ABL2: variants seen among roughly 807,000 people sequenced by gnomAD.
ABL2 encodes the protein tyrosine-protein kinase ABL2.
Under a neutral mutation model 107.7 loss-of-function variants are expected in ABL2, and 49 were observed. The ratio of observed to expected loss-of-function variants is 0.45; its 90% CI spans 0.36 to 0.58. The LOEUF is 0.58. Among genes scored for constraint, ABL2 ranks in the 20% least tolerant of loss-of-function variants. ABL2 has a pLI of 0.00. For synonymous variants in ABL2, 549 were observed against 548.6 expected (o/e 1.00, Z -0.01); for missense variants, 1,245 against 1,457.0 (o/e 0.85, Z 2.37).
At chr1:179,154,701 A>G (rs1459913759) in intron 1 of ABL2, among the ~76,000 whole-genome samples, 3 of 152,232 alleles carry the variant, frequency 2.0e-5, no homozygotes, top group Non-Finnish European at 4.4e-5. Flanking sequence ...GGTAGAACAC[A>G]GGGATTCTTG....
At chr1:179,206,264 A>T (rs180722007) in intron 1 of ABL2, among the ~76,000 whole-genome samples, 1 of 152,218 alleles carries the variant, frequency 6.6e-6, no homozygotes, top group South Asian at 2.1e-4. Context: ...AAATGCACAC[A>T]GGATTTAGCA....
intron 1 of ABL2, among the ~76,000 whole-genome samples, chr1:179,193,244 C>T (rs991708775): frequency 2.0e-5 from 3 of 152,052 alleles, no homozygotes; most frequent in African/African-American, 7.2e-5. Flanking sequence ...GGCAACACTA[C>T]CAGAAAAAGT....
intron 10 of ABL2, 141 bp from the exon 11 acceptor site, chr1:179,110,596 T>G: frequency 6.7e-7 from 1 of 1,499,554 alleles, no homozygotes; most frequent in Non-Finnish European, 8.9e-7. Context: ...AAGTATGTAC[T>G]CTTTTGTCTG....
chr1:179,214,552 G>A (rs956271784), intron 1 of ABL2, among the ~76,000 whole-genome samples: 24 of 91,682 alleles, frequency 2.6e-4, no homozygotes, highest in South Asian at 1.2e-3. Context: ...ATATATATAT[G>A]AGAATATATG....
chr1:179,201,836 A>C, intron 1 of ABL2: 1 of 1,218,314 alleles, frequency 8.2e-7, no homozygotes, highest in Non-Finnish European at 1.1e-6. Context: ...ACATGGTGAC[A>C]GAAGAAGACA....
rs35954631 is a variant in ABL2 at position 179,223,964 on chromosome 1, C to CAA, written c.157+5275_157+5276dup. The stretch of plus-strand genomic sequence containing the variant: ...GCAACATGGCAAAACTCTGTCTCTA[C>CAA]AAAAAAAAAAAAAAAATAGAAAGGC... On this transcript the variant is annotated intron_variant, in intron 1 of 11. Transcript: ENST00000502732. Among the ~76,000 whole-genome samples the CAA allele has an allele frequency of 1.3e-3, 130 of 100,942 alleles. 1 individual carries two copies. The highest frequency in any genetic ancestry group is 1.2e-3 in the Admixed American group (12 of 9,928). The allele number at this position is 100,942 out of a possible 152,430, so 66.2% of individuals were successfully genotyped here.
rs1288311780 is a variant in ABL2, at chr1:179,126,699, A to C, written c.392-27T>G. The stretch of plus-strand genomic sequence containing the variant: ...TAGCCATAAGGTCATCACAGGATGA[A>C]AGAAACGATGTTAAGACTTTATTTC... On this transcript the variant is annotated intron_variant, in intron 3 of 11. Transcript: ENST00000502732. This position sits in a 1 kb window ranked among gnomAD's most constrained non-coding sequence, Gnocchi z 4.4. 1.3e-6 allele frequency: 2 copies of C among 1,585,946 alleles called. No individual in the cohort carries two copies. The highest frequency in any genetic ancestry group is 2.7e-5 in the African/African-American group (2 of 74,406).
intron 1 of ABL2, among the ~76,000 whole-genome samples, chr1:179,196,775 AC>A (rs1421704064): frequency 1.4e-5 from 2 of 147,774 alleles, no homozygotes; most frequent in Non-Finnish European, 1.5e-5. Flanking sequence ...AAACAAACAA[AC>A]AAAAAAAAAC....
intron 5 of ABL2, 96 bp downstream of exon 5, chr1:179,121,499 A>C: frequency 2.0e-6 from 3 of 1,485,164 alleles, no homozygotes; most frequent in East Asian, 2.3e-5. Context: ...AGTGGGTGGA[A>C]AGTGTTCCAA....
chr1:179,210,103 A>C (rs1418254473), intron 1 of ABL2, among the ~76,000 whole-genome samples: 1 of 152,084 alleles, frequency 6.6e-6, no homozygotes, highest in South Asian at 2.1e-4. Flanking sequence ...GCCTCAAGCA[A>C]TCTTCCCCCT....
chr1:179,126,794 A>C lies in ABL2; in HGVS notation c.392-122T>G. The C allele has an allele frequency of 9.0e-7, 1 of 1,113,728 alleles. No individual in the cohort carries two copies. The highest frequency in any genetic ancestry group is 1.2e-6 in the Non-Finnish European group (1 of 806,444). 69.0% of individuals were successfully genotyped at this position (1,113,728 alleles called of 1,614,324 possible). A position where few individuals can be genotyped will look rare whatever the true frequency, so the allele number is the denominator to read the frequency against. The stretch of plus-strand genomic sequence containing the variant: ...AAAAGAATCTAGAACTTTTATGCCA[A>C]ATTTTTTTTTTAAATAATGAAAACA... On this transcript the variant is annotated intron_variant, in intron 3 of 11. Transcript: ENST00000502732. The surrounding 1 kb of genome is among the most constrained non-coding windows in gnomAD (Gnocchi z 4.4).
chr1:179,197,867 CAAAAAA>C (rs71804838), intron 1 of ABL2, among the ~76,000 whole-genome samples: 4 of 137,180 alleles, frequency 2.9e-5, no homozygotes, highest in African/African-American at 1.1e-4. Flanking sequence ...GAAACTGTCT[CAAAAAA>C]AAAAAAAAAA....
rs574554894 is a variant in ABL2 at position 179,201,908 on chromosome 1, T to C, written c.157+27333A>G. The C allele has an allele frequency of 4.7e-5, 61 of 1,305,942 alleles. No homozygotes were observed. The South Asian group carries it at 4.8e-4, about 10-fold the overall frequency. 80.9% of individuals were successfully genotyped at this position (1,305,942 alleles called of 1,614,324 possible). On this transcript the variant is annotated intron_variant, in intron 1 of 11. Transcript: ENST00000502732. ...CCTCCATTGAGGAAATGCCCCTCAA[T>C]GTTGCCGACCTCATCTGAGGGGCTG... is the stretch of plus-strand genomic sequence containing the variant.
intron 9 of ABL2, among the ~76,000 whole-genome samples, chr1:179,114,338 G>A (rs2102600333): frequency 6.6e-6 from 1 of 150,384 alleles, no homozygotes; most frequent in Admixed American, 6.6e-5. Context: ...AACCCATGAG[G>A]TAGAGGTTTC....
rs758555298 is a variant in ABL2, at chr1:179,126,683, G to C, written c.392-11C>G. 5 of 1,602,182 alleles carry C rather than the reference G, an allele frequency of 3.1e-6. No individual in the cohort carries two copies. The East Asian group carries it at 9.0e-5, about 29-fold the overall frequency. On this transcript the variant is annotated splice_polypyrimidine_tract_variant and intron_variant, in intron 3 of 11. Transcript: ENST00000502732. The surrounding 1 kb of genome is among the most constrained non-coding windows in gnomAD (Gnocchi z 4.4). ...CTCGTAGCTTTTCACCTAGCCATAA[G>C]GTCATCACAGGATGAAAGAAACGAT...
chr1:179,181,160 A>C (rs761762823), intron 1 of ABL2, among the ~76,000 whole-genome samples: 20 of 152,346 alleles, frequency 1.3e-4, no homozygotes, highest in Non-Finnish European at 2.2e-4. Context: ...TATGAAACGG[A>C]GTTTAAACAA....
At chr1:179,218,677 C>T (rs1420263305) in intron 1 of ABL2, among the ~76,000 whole-genome samples, 1 of 152,132 alleles carries the variant, frequency 6.6e-6, no homozygotes, top group African/African-American at 2.4e-5. Context: ...GGATTACAGG[C>T]GTGAGCCACC....
intron 1 of ABL2, among the ~76,000 whole-genome samples, chr1:179,139,073 T>G (rs1324217028): frequency 6.6e-6 from 1 of 152,204 alleles, no homozygotes; most frequent in African/African-American, 2.4e-5. Flanking sequence ...GGGCCTTAGC[T>G]GCCTTCCCGC....
intron 1 of ABL2, among the ~76,000 whole-genome samples, chr1:179,228,744 A>G (rs1175731645): frequency 6.6e-6 from 1 of 152,236 alleles, no homozygotes; most frequent in Non-Finnish European, 1.5e-5. Context: ...GACACTGTCC[A>G]CAGTTCACTA....
Sources: gnomAD v4.1 joint callset for allele counts (sites outside exome capture counted in the v4.1 genomes callset) on GRCh38, gnomAD v4.1.1 for gene constraint, Gnocchi (gnomAD v3.1) non-coding constraint, MANE v1.5 for transcripts, NCBI Gene and HGNC (gene_info 2026-07-23, HGNC 2026-07-21) for gene names.